The following SLC45A2 variants were observed in gnomAD, a reference collection of about 807,000 sequenced individuals.
The protein encoded by SLC45A2 is solute carrier family 45 member 2.
A neutral mutation model predicts 45.5 loss-of-function variants in SLC45A2; 36 were observed. That is an observed-to-expected ratio of 0.79 (90% CI 0.61 to 1.04). The LOEUF is 1.04. Among genes scored for constraint, SLC45A2 ranks in the 50% least tolerant of loss-of-function variants. The probability of loss-of-function intolerance (pLI) is 0.00; values close to 1 mark genes in which losing one functional copy is unlikely to be tolerated. For synonymous variants in SLC45A2, 306 were observed against 269.3 expected (o/e 1.14, Z -1.33); for missense variants, 719 against 671.0 (o/e 1.07, Z -0.79).
intron 3 of SLC45A2, among the ~76,000 whole-genome samples, chr5:33,958,659 G>C (rs1044255910): frequency 6.6e-6 from 1 of 152,116 alleles, no homozygotes; most frequent in Non-Finnish European, 1.5e-5. Flanking sequence ...TGGGATTACA[G>C]GAATGAGCCA....
At chr5:33,962,836 T>C (rs1322274858) in intron 3 of SLC45A2, among the ~76,000 whole-genome samples, 1 of 152,236 alleles carries the variant, frequency 6.6e-6, no homozygotes, top group African/African-American at 2.4e-5. Context: ...GGAACCAAGA[T>C]TTGAACTTAA....
intron 2 of SLC45A2, among the ~76,000 whole-genome samples, chr5:33,965,172 T>A (rs1175586545): frequency 6.6e-6 from 1 of 152,128 alleles, no homozygotes; most frequent in Non-Finnish European, 1.5e-5. Context: ...ATGAGTGAAG[T>A]CTCTATTTTA....
chr5:33,971,616 GTTAA>G (rs1187309694), intron 2 of SLC45A2, among the ~76,000 whole-genome samples: 2 of 151,882 alleles, frequency 1.3e-5, no homozygotes, highest in South Asian at 2.1e-4. Flanking sequence ...TTTTTAATTA[GTTAA>G]TTAATTATTT....
chr5:33,962,998 G>T (rs966456753), intron 3 of SLC45A2, among the ~76,000 whole-genome samples: 1 of 152,166 alleles, frequency 6.6e-6, no homozygotes, highest in Non-Finnish European at 1.5e-5. Flanking sequence ...ACATCTGCAC[G>T]TCCTATATTT....
chr5:33,981,194 C>A (rs369761871), intron 2 of SLC45A2, among the ~76,000 whole-genome samples: 1 of 152,194 alleles, frequency 6.6e-6, no homozygotes, highest in African/African-American at 2.4e-5. Context: ...TGCCCCTCTG[C>A]CTTCCTTACA....
At chr5:33,951,742 T>A (rs1284414444) in intron 4 of SLC45A2, 65 bp from the exon 5 acceptor site, 4 of 1,604,240 alleles carry the variant, frequency 2.5e-6, no homozygotes, top group Non-Finnish European at 3.4e-6. Context: ...TCTCATGCAC[T>A]CTGCTTCTCC....
chr5:33,978,789 A>G (rs1317157764), intron 2 of SLC45A2, among the ~76,000 whole-genome samples: 1 of 152,192 alleles, frequency 6.6e-6, no homozygotes, highest in Non-Finnish European at 1.5e-5. Flanking sequence ...AACTTGGGCA[A>G]CTGTTCTGAG....
intron 3 of SLC45A2, among the ~76,000 whole-genome samples, chr5:33,957,516 T>G (rs2111939172): frequency 6.6e-6 from 1 of 152,332 alleles, no homozygotes. Context: ...TAATCAGTGT[T>G]AAACACTATA....
rs765213151 is a variant in SLC45A2 at position 33,951,654 on chromosome 5, A to C, written c.1056T>G (p.Tyr352Ter). The C allele has an allele frequency of 6.2e-7, 1 of 1,614,198 alleles. No individual in the cohort carries two copies. The highest frequency in any genetic ancestry group is 1.3e-5 in the African/African-American group (1 of 75,054). Residue 352 changes from tyrosine (Y) to a stop codon, truncating the protein, a stop_gained, in exon 5 of 7, where the codon TAT becomes TAG. Transcript: ENST00000296589. LOFTEE classifies it high-confidence loss of function. ...GAAACTCTGTGGAGTTGTGTGCACT[A>C]TAGGGATCCCCGCGGTACACAATCT... is the stretch of plus-strand genomic sequence containing the variant. The part of the protein sequence containing the change: ...MGQIVYRGDP[Y>*]SAHNSTEFLI...
At chr5:33,945,249 C>T (rs951291737) in intron 6 of SLC45A2, among the ~76,000 whole-genome samples, 1 of 152,102 alleles carries the variant, frequency 6.6e-6, no homozygotes, top group Non-Finnish European at 1.5e-5. Flanking sequence ...AAAAGGAATT[C>T]TTAGCTCGCA....
intron 2 of SLC45A2, among the ~76,000 whole-genome samples, chr5:33,975,794 T>A (rs1752912494): frequency 6.6e-6 from 1 of 152,194 alleles, no homozygotes; most frequent in Non-Finnish European, 1.5e-5. Flanking sequence ...TTCTGCCTAA[T>A]GAGAAACAAG....
At chr5:33,974,722 G>A (rs924169038) in intron 2 of SLC45A2, among the ~76,000 whole-genome samples, 1 of 152,140 alleles carries the variant, frequency 6.6e-6, no homozygotes, top group African/African-American at 2.4e-5. Context: ...TCAGAGTGAG[G>A]ATACCACAGT....
chr5:33,951,588 C>G lies in SLC45A2; in HGVS notation c.1122G>C (p.Leu374Phe), dbSNP rs16891982. Residue 374 changes from leucine (L) to phenylalanine (F), a missense_variant, in exon 5 of 7, where the codon TTG becomes TTC. Physicochemically the swap from Leu to Phe is conservative, Grantham distance 22 (BLOSUM62 0). Coordinates refer to ENST00000296589, the MANE Select transcript of SLC45A2 (RefSeq NM_016180.5). Reference protein sequence around the residue: ...ERGVEVGCWGLCINSVFSSLY... With the variant: ...ERGVEVGCWGFCINSVFSSLY... Reference sequence around the variant, plus strand: ...GTGAGGAAAACACGGAGTTGATGCACAAGCCCCAACATCCAACCTCGACTC... The same window carrying G: ...GTGAGGAAAACACGGAGTTGATGCAGAAGCCCCAACATCCAACCTCGACTC... The G allele has an allele frequency of 0.82, 1,330,508 of 1,613,970 alleles. 626,996 individuals carry two copies. Among genetic ancestry groups the G allele is most frequent in the Non-Finnish European group, 0.97 (1,143,471 of 1,179,976 alleles).
intron 2 of SLC45A2, among the ~76,000 whole-genome samples, chr5:33,978,667 G>A (rs1223584552): frequency 6.6e-6 from 1 of 152,122 alleles, no homozygotes; most frequent in Non-Finnish European, 1.5e-5. Flanking sequence ...CCCTCTTCAA[G>A]GTGCCCCAAC....
At chr5:33,966,777 T>C (rs1441703646) in intron 2 of SLC45A2, among the ~76,000 whole-genome samples, 1 of 152,228 alleles carries the variant, frequency 6.6e-6, no homozygotes, top group Non-Finnish European at 1.5e-5. Context: ...AAGAGTTCAA[T>C]ATATCAATGA....
chr5:33,967,442 T>C (rs1160597236), intron 2 of SLC45A2, among the ~76,000 whole-genome samples: 2 of 152,198 alleles, frequency 1.3e-5, no homozygotes, highest in Non-Finnish European at 2.9e-5. Flanking sequence ...AGGTGGAGCC[T>C]GAGATTCTGC....
At chr5:33,975,130 G>C (rs1191801098) in intron 2 of SLC45A2, among the ~76,000 whole-genome samples, 1 of 152,060 alleles carries the variant, frequency 6.6e-6, no homozygotes, top group East Asian at 1.9e-4. Flanking sequence ...AACCTCTGCT[G>C]CTTCCATATG....
intron 2 of SLC45A2, among the ~76,000 whole-genome samples, chr5:33,979,893 T>C (rs1753026693): frequency 1.3e-5 from 2 of 152,168 alleles, no homozygotes; most frequent in African/African-American, 4.8e-5. Context: ...TACTATCATG[T>C]ATTGGCCTTG....
chr5:33,961,326 A>C (rs1752449290), intron 3 of SLC45A2, among the ~76,000 whole-genome samples: 1 of 152,130 alleles, frequency 6.6e-6, no homozygotes, highest in Admixed American at 6.5e-5. Flanking sequence ...CCACCTAATA[A>C]AATTTTAGTT....
Sources: gnomAD v4.1 joint callset for allele counts (sites outside exome capture counted in the v4.1 genomes callset) on GRCh38, gnomAD v4.1.1 for gene constraint, MANE v1.5 for transcripts, NCBI Gene and HGNC (gene_info 2026-07-23, HGNC 2026-07-21) for gene names.